PAN3: variants seen among roughly 807,000 people sequenced by gnomAD.
PAN3 encodes poly(A) specific ribonuclease subunit PAN3.
A neutral mutation model predicts 96.2 loss-of-function variants in PAN3; 19 were observed. That is an observed-to-expected ratio of 0.20 (90% confidence interval 0.14 to 0.29). The LOEUF is 0.29. Among genes scored for constraint, PAN3 ranks in the 10% least tolerant of loss-of-function variants. The pLI is 1.00. For missense variants in PAN3, 882 were observed against 1,108.1 expected (o/e 0.80, Z 2.90); for synonymous variants, 433 against 406.6 (o/e 1.06, Z -0.78).
rs147563644 is a variant in PAN3 at position 28,244,581 on chromosome 13, G to T, written c.1001-11711G>T. ...CTTTATATATACATATTTGAGATCG[G>T]TTTTGGTGTCCTATTCTTTTGCACT... On this transcript the variant is annotated intron_variant, in intron 6 of 18. Transcript: ENST00000380958. Among the ~76,000 whole-genome samples the T allele has an allele frequency of 3.3e-3, 499 of 152,154 alleles. 3 individuals carry two copies. The highest frequency in any genetic ancestry group is 0.011 in the African/African-American group (469 of 41,514).
At chr13:28,211,264 GTCTT>G (rs1272996229) in intron 5 of PAN3, among the ~76,000 whole-genome samples, 11 of 152,066 alleles carry the variant, frequency 7.2e-5, no homozygotes, top group Admixed American at 5.9e-4. Context: ...CCTCCACCCT[GTCTT>G]TCTTTCTCAT....
intron 1 of PAN3, among the ~76,000 whole-genome samples, chr13:28,142,727 T>C (rs1296272804): frequency 6.6e-6 from 1 of 152,174 alleles, no homozygotes; most frequent in Non-Finnish European, 1.5e-5. Context: ...ATTGAATCAT[T>C]TGACAACAAA....
Position 28,292,283 on chromosome 13 carries a change from CAAA to C in PAN3, c.2524-93_2524-91del, listed in dbSNP as rs11343365. On this transcript the variant is annotated intron_variant, in intron 18 of 18. Transcript: ENST00000380958. ...CATGGATATCTGAAAGGGAATGTGA[CAAA>C]AAAAATTTAGATATTTTATTTATTT... 52 of 1,259,266 alleles carry C rather than the reference CAAA, an allele frequency of 4.1e-5. No individual in the cohort carries two copies. In the Middle Eastern group the frequency reaches 2.6e-3, roughly 62 times the overall value. 78.0% of individuals were successfully genotyped at this position (1,259,266 alleles called of 1,614,324 possible).
intron 6 of PAN3, among the ~76,000 whole-genome samples, chr13:28,238,539 T>A (rs1411873869): frequency 6.6e-6 from 1 of 152,196 alleles, no homozygotes; most frequent in Non-Finnish European, 1.5e-5. Context: ...TGGCTGAGAA[T>A]CAAGATTTGT....
At chr13:28,279,987 C>T (rs566914269) in intron 15 of PAN3, among the ~76,000 whole-genome samples, 4 of 151,644 alleles carry the variant, frequency 2.6e-5, no homozygotes, top group South Asian at 4.2e-4. Context: ...TTAGTAGAGA[C>T]GGGGTTTCAC....
chr13:28,263,153 G>A (rs1007417917), intron 9 of PAN3, among the ~76,000 whole-genome samples: 13 of 152,194 alleles, frequency 8.5e-5, no homozygotes, highest in Non-Finnish European at 1.8e-4. Context: ...ATTTGTTTGT[G>A]TATTAGGGAA....
At chr13:28,217,738 G>A (rs1880964186) in intron 5 of PAN3, among the ~76,000 whole-genome samples, 1 of 151,982 alleles carries the variant, frequency 6.6e-6, no homozygotes, top group African/African-American at 2.4e-5. Flanking sequence ...ATAAATGAGT[G>A]CATATCTGTA....
chr13:28,138,720 G>A lies in PAN3; in HGVS notation c.63G>A (p.Leu21=). ...SAAASPSSSS[L]AAAVAVVAPP... is the part of the protein sequence containing the mutation. The stretch of plus-strand genomic sequence containing the variant: ...CCGCCTCCCCTTCCTCCTCCTCGCT[G>A]GCGGCGGCGGTGGCGGTGGTGGCCC... Residue 21 remains leucine, a synonymous_variant, in exon 1 of 19, where the codon CTG becomes CTA. Coordinates refer to ENST00000380958, the MANE Select transcript of PAN3 (RefSeq NM_175854.8). 1.7e-5 allele frequency: 21 copies of A among 1,248,528 alleles called. No individual in the cohort carries two copies. Among genetic ancestry groups the A allele is most frequent in the Non-Finnish European group, 2.2e-5 (21 of 974,564 alleles). The allele number at this position is 1,248,528 out of a possible 1,614,324, so 77.3% of individuals were successfully genotyped here.
chr13:28,144,566 G>A (rs1870353351), intron 1 of PAN3, among the ~76,000 whole-genome samples: 1 of 151,944 alleles, frequency 6.6e-6, no homozygotes. Flanking sequence ...AACTCCAGGT[G>A]AGATTGAGTT....
chr13:28,265,282 A>C (rs1455691617), intron 9 of PAN3, among the ~76,000 whole-genome samples: 1 of 152,182 alleles, frequency 6.6e-6, no homozygotes, highest in Non-Finnish European at 1.5e-5. Context: ...CCCAGGCTGA[A>C]TTCAGCTCCT....
chr13:28,202,658 TACACAC>T (rs140754799), intron 5 of PAN3, among the ~76,000 whole-genome samples: 55 of 150,000 alleles, frequency 3.7e-4, no homozygotes, highest in African/African-American at 1.3e-3. Flanking sequence ...TATATATGTA[TACACAC>T]ACACACACAC....
chr13:28,138,653 T>C lies in PAN3; in HGVS notation c.-5T>C, dbSNP rs1869120081. On this transcript the variant is annotated 5_prime_UTR_variant, in exon 1 of 19. Transcript: ENST00000380958. ...GGCGGCGGAAGACGAGGCTGCGGCG[T>C]TGCCATGAACAGTGGCGGCGGCCTC... 3.4e-6 allele frequency: 2 copies of C among 585,588 alleles called. No individual in the cohort carries two copies. Among genetic ancestry groups the C allele is most frequent in the South Asian group, 7.1e-5 (2 of 28,034 alleles). 36.3% of individuals were successfully genotyped at this position (585,588 alleles called of 1,614,324 possible).
At chr13:28,143,294 A>C (rs1369845357) in intron 1 of PAN3, among the ~76,000 whole-genome samples, 1 of 152,102 alleles carries the variant, frequency 6.6e-6, no homozygotes, top group Non-Finnish European at 1.5e-5. Flanking sequence ...GATTTTTCTA[A>C]GGCTTAAGAG....
Position 28,256,429 on chromosome 13 carries a change from A to C in PAN3, c.1138A>C (p.Asn380His), listed in dbSNP as rs1885143925. 6.2e-7 allele frequency: 1 copy of C among 1,613,870 alleles called. No individual in the cohort carries two copies. The highest frequency in any genetic ancestry group is 2.2e-5 in the East Asian group (1 of 44,890). ...MVPSSASTSV[N>H]NPVSQTPSSG... ...GCCTTCTAGTGCCTCTACATCTGTT[A>C]ATAATCCTGTTTCTCAGACTCCGTC... Residue 380 changes from asparagine to histidine, a missense_variant, in exon 7 of 19, where the codon AAT becomes CAT. Transcript: ENST00000380958.
In PAN3 at chr13:28,167,221, G is replaced by C. The variant is rs1283693458; in HGVS notation, c.431-7051G>C. On this transcript the variant is annotated intron_variant, in intron 1 of 18. Coordinates refer to ENST00000380958, the MANE Select transcript of PAN3 (RefSeq NM_175854.8). Reference sequence around the variant, plus strand: ...CACCCCCGTTTTTTATTTTGAGACAGAGTCTCTGTTGCCCAGGCTAGAGTG... The same window carrying C: ...CACCCCCGTTTTTTATTTTGAGACACAGTCTCTGTTGCCCAGGCTAGAGTG... Among the ~76,000 whole-genome samples the C allele has an allele frequency of 4.6e-5, 7 of 151,044 alleles. No individual in the cohort carries two copies. The South Asian group carries it at 1.5e-3, about 32-fold the overall frequency.
intron 12 of PAN3, among the ~76,000 whole-genome samples, chr13:28,269,156 G>T (rs1365778211): frequency 6.6e-6 from 1 of 152,114 alleles, no homozygotes; most frequent in African/African-American, 2.4e-5. Flanking sequence ...CCTACTGAAT[G>T]CCAGTAGCAA....
intron 5 of PAN3, among the ~76,000 whole-genome samples, chr13:28,217,553 G>C (rs1786471193): frequency 6.6e-6 from 1 of 151,276 alleles, no homozygotes. Context: ...CTGCACTCCA[G>C]CCTGGCAACA....
At chr13:28,174,615 T>C (rs1229090282) in intron 2 of PAN3, among the ~76,000 whole-genome samples, 2 of 152,138 alleles carry the variant, frequency 1.3e-5, no homozygotes, top group Non-Finnish European at 2.9e-5. Context: ...GACGGGAGTA[T>C]GTAGAGGGTA....
At position 28,292,536 on chromosome 13, in the gene PAN3, A is replaced by G. The variant is rs1337609343; in HGVS notation, c.*14A>G. On this transcript the variant is annotated 3_prime_UTR_variant, in exon 19 of 19. Coordinates refer to ENST00000380958, the MANE Select transcript of PAN3 (RefSeq NM_175854.8). The stretch of plus-strand genomic sequence containing the variant: ...GGTCAGTTGTAGTATTTGCTAAAAA[A>G]GCACGCAGGACATGGCTAAAGACCT... 1 of 1,600,736 alleles carries G rather than the reference A, an allele frequency of 6.2e-7. No homozygotes were observed. The highest frequency in any genetic ancestry group is 1.1e-5 in the South Asian group (1 of 87,810).
Sources: allele counts gnomAD v4.1 joint callset (sites outside exome capture counted in the v4.1 genomes callset), GRCh38; gene constraint gnomAD v4.1.1; transcripts MANE v1.5; gene names NCBI Gene and HGNC (gene_info 2026-07-23, HGNC 2026-07-21).